GABRG3: variants seen among roughly 807,000 people sequenced by gnomAD.
GABRG3 encodes the protein gamma-aminobutyric acid type A receptor subunit gamma3.
A neutral mutation model predicts 48.8 loss-of-function variants in GABRG3; 25 were observed. The observed-to-expected ratio is 0.51, with a 90% CI of 0.37 to 0.72. The LOEUF (loss-of-function observed/expected upper bound fraction) is 0.72, where lower values mean the gene tolerates loss of function less well. GABRG3 is among the 30% of genes least tolerant of loss of function. The probability of loss-of-function intolerance (pLI) is 0.00; values close to 1 mark genes in which losing one functional copy is unlikely to be tolerated. For synonymous variants in GABRG3, 227 were observed against 217.6 expected, an observed-to-expected ratio of 1.04 and a Z score of -0.38; for missense variants, 394 against 577.9, an observed-to-expected ratio of 0.68 and a Z score of 3.26.
chr15:27,048,987 C>G (rs1183364203), intron 3 of GABRG3, among the ~76,000 whole-genome samples: 1 of 152,256 alleles, frequency 6.6e-6, no homozygotes. Context: ...CTACGGGGCT[C>G]TGTGAGCCTC....
chr15:27,440,514 C>T (rs1454663633), intron 5 of GABRG3, among the ~76,000 whole-genome samples: 1 of 152,192 alleles, frequency 6.6e-6, no homozygotes, highest in East Asian at 1.9e-4. Context: ...ATATCAAAGT[C>T]CATCTGTTGG....
rs548826356 is a variant in GABRG3, at chr15:27,032,271, A to G, written c.270+5450A>G. Among the ~76,000 whole-genome samples, 84 of 152,214 alleles carry G rather than the reference A, an allele frequency of 5.5e-4. 1 individual carries two copies. The highest frequency in any genetic ancestry group is 1.8e-3 in the Admixed American group (28 of 15,282). ...CTCTGGTGCGATTCTCCATCTTGCA[A>G]TCTGTTTTCTGGAACACATTAACCA... On this transcript the variant is annotated intron_variant, in intron 3 of 9. Transcript: ENST00000615808.
intron 3 of GABRG3, among the ~76,000 whole-genome samples, chr15:27,281,243 A>G (rs1891423712): frequency 6.6e-6 from 1 of 152,098 alleles, no homozygotes; most frequent in Non-Finnish European, 1.5e-5. Flanking sequence ...AATGCATTCT[A>G]CCAATATCTT....
intron 6 of GABRG3, among the ~76,000 whole-genome samples, chr15:27,505,992 A>T (rs1300947935): frequency 6.6e-6 from 1 of 152,182 alleles, no homozygotes; most frequent in African/African-American, 2.4e-5. Context: ...TGTGTTTTTC[A>T]GGGGATATGT....
intron 3 of GABRG3, among the ~76,000 whole-genome samples, chr15:27,186,730 T>G (rs1206053587): frequency 6.6e-5 from 10 of 152,176 alleles, no homozygotes; most frequent in Non-Finnish European, 1.5e-4. Context: ...CTCATTGTGG[T>G]TTTGATTTGC....
chr15:27,276,661 T>C (rs553833866), intron 3 of GABRG3, among the ~76,000 whole-genome samples: 38 of 152,228 alleles, frequency 2.5e-4, no homozygotes, highest in African/African-American at 7.7e-4. Context: ...GTTTTATAGT[T>C]CACTAATCAT....
chr15:27,087,574 G>C (rs372269646), intron 3 of GABRG3, among the ~76,000 whole-genome samples: 5 of 152,196 alleles, frequency 3.3e-5, no homozygotes, highest in Admixed American at 2.0e-4. Flanking sequence ...GAAGTAAGGA[G>C]GGCCTGAGGT....
intron 5 of GABRG3, among the ~76,000 whole-genome samples, chr15:27,439,011 C>A (rs184639677): frequency 6.6e-6 from 1 of 152,246 alleles, no homozygotes; most frequent in East Asian, 1.9e-4. Flanking sequence ...GTGGAGAAAG[C>A]CTGGGGAGAG....
intron 5 of GABRG3, among the ~76,000 whole-genome samples, chr15:27,462,170 A>G (rs548434327): frequency 6.6e-6 from 1 of 151,684 alleles, no homozygotes; most frequent in African/African-American, 2.4e-5. Flanking sequence ...GAATTTTTGG[A>G]TCACCTCCCC....
intron 3 of GABRG3, among the ~76,000 whole-genome samples, chr15:27,097,006 AT>A (rs36057231): frequency 0.27 from 36,075 of 131,540 alleles, 4,418 homozygotes; most frequent in Middle Eastern, 0.4. Flanking sequence ...ATACCCGGCT[AT>A]TTTTTTTTTT....
chr15:27,348,800 G>A lies in GABRG3; in HGVS notation c.574+19912G>A, dbSNP rs1312507405. Among the ~76,000 whole-genome samples the A allele has an allele frequency of 2.6e-5, 4 of 152,320 alleles. 1 individual carries two copies. Among genetic ancestry groups the A allele is most frequent in the African/African-American group, 9.6e-5 (4 of 41,580 alleles). ...TCAGGATTGGACACACAAGAATAGTGGCAGGGGTTTTTGGAGGCAAGAAAA... is the reference window on the plus strand; with the variant it reads ...TCAGGATTGGACACACAAGAATAGTAGCAGGGGTTTTTGGAGGCAAGAAAA... On this transcript the variant is annotated intron_variant, in intron 5 of 9. Transcript: ENST00000615808.
chr15:27,064,165 G>C (rs181899113), intron 3 of GABRG3, among the ~76,000 whole-genome samples: 1 of 152,198 alleles, frequency 6.6e-6, no homozygotes, highest in Non-Finnish European at 1.5e-5. Flanking sequence ...GAGGAAGTCC[G>C]CAGCCTCTCC....
At chr15:27,293,180 A>G (rs1326740313) in intron 3 of GABRG3, among the ~76,000 whole-genome samples, 1 of 152,194 alleles carries the variant, frequency 6.6e-6, no homozygotes, top group East Asian at 1.9e-4. Context: ...GTTTCTACCA[A>G]AGATGATGGT....
At chr15:27,118,285 C>T (rs1309108742) in intron 3 of GABRG3, among the ~76,000 whole-genome samples, 3 of 152,120 alleles carry the variant, frequency 2.0e-5, no homozygotes, top group Admixed American at 2.0e-4. Flanking sequence ...GGCAGCATGG[C>T]TTATGTGTAC....
At chr15:27,215,172 A>G (rs1421122384) in intron 3 of GABRG3, among the ~76,000 whole-genome samples, 1 of 152,190 alleles carries the variant, frequency 6.6e-6, no homozygotes. Context: ...GGCATGTTTT[A>G]GATAACTCCT....
intron 6 of GABRG3, among the ~76,000 whole-genome samples, chr15:27,486,955 A>G (rs1214905266): frequency 6.6e-6 from 1 of 152,204 alleles, no homozygotes; most frequent in African/African-American, 2.4e-5. Flanking sequence ...AAATAGGAAT[A>G]TATGTTTAAA....
intron 3 of GABRG3, among the ~76,000 whole-genome samples, chr15:27,137,098 G>C (rs938881650): frequency 6.6e-6 from 1 of 152,170 alleles, no homozygotes; most frequent in Non-Finnish European, 1.5e-5. Context: ...TTATCTTAAT[G>C]CTCTGGGCCT....
At chr15:27,391,733 A>G (rs1291947030) in intron 5 of GABRG3, among the ~76,000 whole-genome samples, 1 of 152,238 alleles carries the variant, frequency 6.6e-6, no homozygotes, top group African/African-American at 2.4e-5. Context: ...GGGTGTAAAC[A>G]CAATCAAAAC....
intron 5 of GABRG3, among the ~76,000 whole-genome samples, chr15:27,449,199 C>T (rs1036439614): frequency 6.6e-6 from 1 of 152,190 alleles, no homozygotes; most frequent in Non-Finnish European, 1.5e-5. Flanking sequence ...GCCTTTCCAA[C>T]AGAACTCTGC....
Sources: gnomAD v4.1 joint callset for allele counts (sites outside exome capture counted in the v4.1 genomes callset) on GRCh38, gnomAD v4.1.1 for gene constraint, MANE v1.5 for transcripts, NCBI Gene and HGNC (gene_info 2026-07-23, HGNC 2026-07-21) for gene names.